Variants in SLC16A7 observed in about 807,000 individuals in gnomAD.
SLC16A7 encodes solute carrier family 16 member 7.
SLC16A7 carries 33 observed loss-of-function variants against 34.9 expected under a neutral mutation model. The observed-to-expected ratio is 0.94, with a 90% CI of 0.72 to 1.26. The LOEUF (loss-of-function observed/expected upper bound fraction) is 1.26, where lower values mean the gene tolerates loss of function less well. Ranked by LOEUF, SLC16A7 falls within the 50% of genes most tolerant of loss-of-function variation. The pLI, the probability that SLC16A7 is intolerant of heterozygous loss-of-function variation, is 0.00. For synonymous variants in SLC16A7, 201 were observed against 206.6 expected (o/e 0.97, Z 0.23); for missense variants, 573 against 578.1 (o/e 0.99, Z 0.09).
At chr12:59,730,508 A>G (rs1204665600) in intron 3 of SLC16A7, among the ~76,000 whole-genome samples, 1 of 152,024 alleles carries the variant, frequency 6.6e-6, no homozygotes, top group African/African-American at 2.4e-5. Context: ...GCAGCTGAGT[A>G]CAAATATTGG....
intron 2 of SLC16A7, among the ~76,000 whole-genome samples, chr12:59,676,966 G>A (rs1200997766): frequency 2.6e-5 from 4 of 152,140 alleles, no homozygotes; most frequent in African/African-American, 9.7e-5. Context: ...CTTGAAATGA[G>A]TTTATTCCTT....
At chr12:59,727,158 A>ATG (rs1208296988) in intron 3 of SLC16A7, among the ~76,000 whole-genome samples, 1 of 143,942 alleles carries the variant, frequency 6.9e-6, no homozygotes, top group Non-Finnish European at 1.5e-5. Context: ...GGACATATAT[A>ATG]TATATATATA....
chr12:59,642,022 A>G (rs1007095560), intron 1 of SLC16A7, among the ~76,000 whole-genome samples: 4 of 152,072 alleles, frequency 2.6e-5, no homozygotes, highest in Non-Finnish European at 5.9e-5. Flanking sequence ...TGTTACAAAA[A>G]AAGTATCAAT....
intron 3 of SLC16A7, among the ~76,000 whole-genome samples, chr12:59,753,782 C>T (rs1879913379): frequency 6.6e-6 from 1 of 152,264 alleles, no homozygotes; most frequent in South Asian, 2.1e-4. Flanking sequence ...GAACTCTCCA[C>T]CCCAAATCAA....
intron 3 of SLC16A7, among the ~76,000 whole-genome samples, chr12:59,758,179 GA>G (rs1251588306): frequency 1.3e-5 from 2 of 151,952 alleles, no homozygotes; most frequent in East Asian, 1.9e-4. Context: ...AAAAAAATTA[GA>G]AAAAAACTAT....
At chr12:59,767,805 G>T (rs1381298807) in intron 3 of SLC16A7, among the ~76,000 whole-genome samples, 2 of 152,012 alleles carry the variant, frequency 1.3e-5, no homozygotes, top group Non-Finnish European at 2.9e-5. Flanking sequence ...GGATCAAGGA[G>T]TCATTTCAAG....
chr12:59,619,555 C>T (rs1245384435), intron 1 of SLC16A7, among the ~76,000 whole-genome samples: 2 of 152,000 alleles, frequency 1.3e-5, no homozygotes, highest in Non-Finnish European at 2.9e-5. Context: ...TAGAAACATT[C>T]ACACCAGAAA....
chr12:59,632,352 A>G (rs754083116), intron 1 of SLC16A7, among the ~76,000 whole-genome samples: 2 of 151,946 alleles, frequency 1.3e-5, no homozygotes, highest in Non-Finnish European at 2.9e-5. Flanking sequence ...TTAGATTTTT[A>G]AAACTTGTCT....
chr12:59,779,219 AC>A (rs976364300), intron 5 of SLC16A7, among the ~76,000 whole-genome samples: 6 of 152,108 alleles, frequency 3.9e-5, no homozygotes, highest in Non-Finnish European at 8.8e-5. Context: ...AATTTAATGT[AC>A]TAGTAATATA....
intron 3 of SLC16A7, among the ~76,000 whole-genome samples, chr12:59,708,907 C>G (rs1245945423): frequency 6.6e-6 from 1 of 151,674 alleles, no homozygotes; most frequent in Non-Finnish European, 1.5e-5. Flanking sequence ...CATCACATTA[C>G]AGCAATCCAT....
At chr12:59,622,165 T>G (rs1388584072) in intron 1 of SLC16A7, among the ~76,000 whole-genome samples, 1 of 151,860 alleles carries the variant, frequency 6.6e-6, no homozygotes, top group Non-Finnish European at 1.5e-5. Flanking sequence ...TAAGCTAACA[T>G]TAGAAGTATC....
intron 3 of SLC16A7, among the ~76,000 whole-genome samples, chr12:59,721,945 A>G (rs939861391): frequency 6.6e-6 from 1 of 151,856 alleles, no homozygotes. Context: ...CTCAATGTTC[A>G]AAAGTTTGGC....
chr12:59,764,467 T>A (rs1236264769), intron 3 of SLC16A7, among the ~76,000 whole-genome samples: 1 of 150,776 alleles, frequency 6.6e-6, no homozygotes, highest in Non-Finnish European at 1.5e-5. Context: ...TATCTCCTAA[T>A]GCTATCCCTC....
intron 3 of SLC16A7, among the ~76,000 whole-genome samples, chr12:59,709,700 G>T (rs1188690361): frequency 2.0e-5 from 3 of 151,592 alleles, no homozygotes; most frequent in Non-Finnish European, 2.9e-5. Context: ...GTAGGCTGTG[G>T]ACTTTTTATA....
chr12:59,754,129 C>A (rs1424644999), intron 3 of SLC16A7, among the ~76,000 whole-genome samples: 1 of 152,098 alleles, frequency 6.6e-6, no homozygotes, highest in African/African-American at 2.4e-5. Flanking sequence ...AAATTTATAG[C>A]ACTAAATGCC....
intron 1 of SLC16A7, among the ~76,000 whole-genome samples, chr12:59,615,622 C>T (rs1479588297): frequency 6.6e-6 from 1 of 152,132 alleles, no homozygotes. Flanking sequence ...ACACCTGCAT[C>T]AATAATAATA....
chr12:59,676,416 T>A (rs1054929317), intron 2 of SLC16A7, among the ~76,000 whole-genome samples: 2 of 151,554 alleles, frequency 1.3e-5, no homozygotes, highest in African/African-American at 2.4e-5. Context: ...TCTTTTGATG[T>A]TAAGTAGCTC....
At chr12:59,716,464 T>C (rs1055048814) in intron 3 of SLC16A7, among the ~76,000 whole-genome samples, 1 of 152,190 alleles carries the variant, frequency 6.6e-6, no homozygotes, top group Non-Finnish European at 1.5e-5. Context: ...AAATATGATG[T>C]GTGTGCAGGC....
At chr12:59,608,725 A>T (rs951230567) in intron 1 of SLC16A7, among the ~76,000 whole-genome samples, 6 of 152,236 alleles carry the variant, frequency 3.9e-5, no homozygotes, top group African/African-American at 1.4e-4. Flanking sequence ...AAATACTTGT[A>T]TGAGGAAATG....
Sources: allele counts gnomAD v4.1 joint callset (sites outside exome capture counted in the v4.1 genomes callset), GRCh38; gene constraint gnomAD v4.1.1; transcripts MANE v1.5; gene names NCBI Gene and HGNC (gene_info 2026-07-23, HGNC 2026-07-21).